Variants in SHISA9 observed in about 807,000 individuals in gnomAD.
The protein encoded by SHISA9 is shisa family member 9, also known as protein shisa-9.
A neutral mutation model predicts 38.0 loss-of-function variants in SHISA9; 13 were observed. That is an observed-to-expected ratio of 0.34 (90% CI 0.22 to 0.54). SHISA9 has a LOEUF of 0.54. Among genes scored for constraint, SHISA9 ranks in the 20% least tolerant of loss-of-function variants. The pLI is 0.91. For synonymous variants in SHISA9, 275 were observed against 242.0 expected, an observed-to-expected ratio of 1.14 and a Z score of -1.27; for missense variants, 538 against 575.8, an observed-to-expected ratio of 0.93 and a Z score of 0.67.
the SHISA9 span, among the ~76,000 whole-genome samples, chr16:13,436,047 G>C: frequency 6.6e-6 from 1 of 152,188 alleles, no homozygotes. Context: ...ATCTGAACTG[G>C]CTTGAACAGA....
chr16:13,285,975 G>A, the SHISA9 span, among the ~76,000 whole-genome samples: 5 of 152,104 alleles, frequency 3.3e-5, no homozygotes, highest in East Asian at 9.7e-4. Flanking sequence ...AAATCACTAA[G>A]CTAAAGGGAA....
chr16:13,075,267 A>G (rs1311821885), intron 2 of SHISA9, among the ~76,000 whole-genome samples: 2 of 152,204 alleles, frequency 1.3e-5, no homozygotes, highest in Non-Finnish European at 2.9e-5. Flanking sequence ...AACATGCTGC[A>G]TAATTACATA....
the SHISA9 span, among the ~76,000 whole-genome samples, chr16:13,531,447 G>T: frequency 7.2e-5 from 11 of 152,098 alleles, no homozygotes; most frequent in African/African-American, 2.4e-4. Context: ...CTTACAGATG[G>T]GGAAAACTCA....
At chr16:13,391,796 C>A in the SHISA9 span, among the ~76,000 whole-genome samples, 5 of 152,158 alleles carry the variant, frequency 3.3e-5, no homozygotes, top group Non-Finnish European at 7.3e-5. Flanking sequence ...TGTAACCTGA[C>A]TGCAGGTAAA....
At chr16:13,002,029 G>A (rs2072532259) in intron 2 of SHISA9, among the ~76,000 whole-genome samples, 1 of 152,132 alleles carries the variant, frequency 6.6e-6, no homozygotes, top group Non-Finnish European at 1.5e-5. Context: ...CCTATGCCCA[G>A]AAAAATGGAT....
intron 2 of SHISA9, among the ~76,000 whole-genome samples, chr16:13,201,028 C>A (rs184256327): frequency 7.4e-6 from 1 of 135,540 alleles, no homozygotes; most frequent in East Asian, 2.0e-4. Flanking sequence ...AATAAACACA[C>A]ACCTCTAAGG....
chr16:13,469,378 A>G, the SHISA9 span, among the ~76,000 whole-genome samples: 11 of 87,008 alleles, frequency 1.3e-4, no homozygotes, highest in Non-Finnish European at 2.5e-4. Context: ...AGAAAGAAAG[A>G]AAGAAAGAAA....
chr16:13,432,020 C>T, the SHISA9 span, among the ~76,000 whole-genome samples: 57 of 152,150 alleles, frequency 3.7e-4, no homozygotes, highest in Non-Finnish European at 6.6e-4. Flanking sequence ...GAGATCATGC[C>T]GTTGCACTGG....
At chr16:12,933,536 G>T (rs1488612622) in intron 2 of SHISA9, among the ~76,000 whole-genome samples, 3 of 152,098 alleles carry the variant, frequency 2.0e-5, no homozygotes, top group Admixed American at 6.6e-5. Context: ...CAGGCGATCT[G>T]CCCTCCTTGG....
At chr16:13,191,758 G>A (rs907404863) in intron 2 of SHISA9, among the ~76,000 whole-genome samples, 2 of 152,186 alleles carry the variant, frequency 1.3e-5, no homozygotes, top group African/African-American at 4.8e-5. Flanking sequence ...GGGTATAGAA[G>A]GTGTGTTGCA....
At position 13,019,947 on chromosome 16, in the gene SHISA9, CTTT is replaced by C. The variant is rs1567184248; in HGVS notation, c.691+103133_691+103135del. On this transcript the variant is annotated intron_variant, in intron 2 of 4. Coordinates refer to ENST00000558583, the MANE Select transcript of SHISA9 (RefSeq NM_001145204.3). ...TCTTTCTTTCTTTCTTTCTTTCTTT[CTTT>C]CTTTCTTTCCCTCCTTCTTTCCTTC... Among the ~76,000 whole-genome samples, 51 of 98,938 alleles carry C rather than the reference CTTT, an allele frequency of 5.2e-4. 1 individual carries two copies. Among genetic ancestry groups the C allele is most frequent in the South Asian group, 1.2e-3 (3 of 2,580 alleles). 64.9% of individuals were successfully genotyped at this position (98,938 alleles called of 152,430 possible).
chr16:13,037,127 C>G (rs1043455869), intron 2 of SHISA9, among the ~76,000 whole-genome samples: 20 of 147,596 alleles, frequency 1.4e-4, no homozygotes, highest in African/African-American at 4.2e-4. Context: ...CACACACACA[C>G]ACACACACAC....
the SHISA9 span, among the ~76,000 whole-genome samples, chr16:13,359,250 C>T: frequency 5.9e-5 from 9 of 152,030 alleles, no homozygotes; most frequent in South Asian, 8.3e-4. Context: ...GAGGTCAAGG[C>T]GGGGTGGATC....
At chr16:13,016,388 C>G (rs944145297) in intron 2 of SHISA9, among the ~76,000 whole-genome samples, 8 of 152,098 alleles carry the variant, frequency 5.3e-5, no homozygotes, top group Non-Finnish European at 1.2e-4. Flanking sequence ...TTAGAGCCAT[C>G]TAAATATTTG....
At chr16:13,453,001 T>C in the SHISA9 span, among the ~76,000 whole-genome samples, 1 of 151,908 alleles carries the variant, frequency 6.6e-6, no homozygotes, top group Non-Finnish European at 1.5e-5. Context: ...CTCCACCTCC[T>C]TGTTTCAAGC....
chr16:13,552,974 C>G, the SHISA9 span, among the ~76,000 whole-genome samples: 1 of 152,024 alleles, frequency 6.6e-6, no homozygotes. Context: ...TTGTGGGGGC[C>G]TGTTCTGTGC....
At chr16:13,220,916 A>G (rs1453337167) in intron 4 of SHISA9, among the ~76,000 whole-genome samples, 6 of 152,112 alleles carry the variant, frequency 3.9e-5, no homozygotes, top group Non-Finnish European at 7.4e-5. Flanking sequence ...AAGGGGGCCC[A>G]TGGTACAGGC....
rs555483371 is a variant in SHISA9, at chr16:13,113,435, G to A, written c.692-89959G>A. On this transcript the variant is annotated intron_variant, in intron 2 of 4. Transcript: ENST00000558583. Reference sequence around the variant, plus strand: ...TTCCAGGGAGTGTCCATCCTACCAAGCCTGGAGATTGTTGCTTGATCTGTA... The same window carrying A: ...TTCCAGGGAGTGTCCATCCTACCAAACCTGGAGATTGTTGCTTGATCTGTA... Among the ~76,000 whole-genome samples the A allele has an allele frequency of 5.9e-5, 9 of 152,208 alleles. No homozygotes were observed. In the East Asian group the frequency reaches 1.7e-3, roughly 29 times the overall value.
the SHISA9 span, among the ~76,000 whole-genome samples, chr16:13,383,839 G>A: frequency 1.3e-5 from 2 of 152,098 alleles, no homozygotes; most frequent in Non-Finnish European, 1.5e-5. Context: ...GGTAGAGGTA[G>A]AGATGGGGAT....
Sources: gnomAD v4.1 joint callset for allele counts (sites outside exome capture counted in the v4.1 genomes callset) on GRCh38, gnomAD v4.1.1 for gene constraint, MANE v1.5 for transcripts, NCBI Gene and HGNC (gene_info 2026-07-23, HGNC 2026-07-21) for gene names.